ITGA11: variants seen among roughly 807,000 people sequenced by gnomAD.
ITGA11 encodes integrin subunit alpha 11, also known as integrin alpha-11.
Under a neutral mutation model 141.9 loss-of-function variants are expected in ITGA11, and 97 were observed. The ratio of observed to expected loss-of-function variants is 0.68; its 90% confidence interval spans 0.58 to 0.81. The LOEUF (loss-of-function observed/expected upper bound fraction) is 0.81. Among genes scored for constraint, ITGA11 ranks in the 30% least tolerant of loss-of-function variants. The pLI, the probability that ITGA11 is intolerant of heterozygous loss-of-function variation, is 0.00. For synonymous variants in ITGA11, 658 were observed against 624.6 expected, an observed-to-expected ratio of 1.05 and a Z score of -0.80; for missense variants, 1,387 against 1,559.2, an observed-to-expected ratio of 0.89 and a Z score of 1.86.
chr15:68,427,012 C>CAAAAA (rs148867034), intron 1 of ITGA11, among the ~76,000 whole-genome samples: 1 of 47,782 alleles, frequency 2.1e-5, no homozygotes, highest in Non-Finnish European at 3.5e-5. Flanking sequence ...AAGACTGTCT[C>CAAAAA]AAAAAAAAAA....
chr15:68,316,191 A>G (rs1893568919), intron 21 of ITGA11, among the ~76,000 whole-genome samples: 1 of 152,138 alleles, frequency 6.6e-6, no homozygotes, highest in African/African-American at 2.4e-5. Context: ...CAGGGAGGAG[A>G]TGGCCCAGAG....
intron 20 of ITGA11, 78 bp from the exon 21 acceptor site, chr15:68,317,441 C>A: frequency 1.0e-6 from 1 of 980,512 alleles, no homozygotes; most frequent in Non-Finnish European, 1.7e-6. Flanking sequence ...TCACCCCCAG[C>A]CTGCACCCCA....
chr15:68,337,800 C>T (rs540668469), intron 11 of ITGA11, among the ~76,000 whole-genome samples: 1 of 152,320 alleles, frequency 6.6e-6, no homozygotes, highest in African/African-American at 2.4e-5. Flanking sequence ...CCCAACCTTC[C>T]CTCTCCTCCA....
Position 68,406,587 on chromosome 15 carries a change from G to A in ITGA11, c.53-3558C>T, listed in dbSNP as rs1002731843. On this transcript the variant is annotated intron_variant, in intron 1 of 29. Coordinates refer to ENST00000315757, the MANE Select transcript of ITGA11 (RefSeq NM_001004439.2). ...CCTGTGCTCCATTTTTCCTCATAGC[G>A]TTTATCACAAACATATGACATTTGT... Among the ~76,000 whole-genome samples, 5 of 152,228 alleles carry A rather than the reference G, an allele frequency of 3.3e-5. No individual in the cohort carries two copies. The East Asian group carries it at 5.8e-4, about 18-fold the overall frequency.
chr15:68,316,800 A>G (rs950736102), intron 21 of ITGA11, among the ~76,000 whole-genome samples: 3 of 152,152 alleles, frequency 2.0e-5, no homozygotes, highest in African/African-American at 7.2e-5. Flanking sequence ...ACTCCCTGCA[A>G]TCTGGCGTCT....
chr15:68,383,272 A>G (rs1021844539), intron 2 of ITGA11, among the ~76,000 whole-genome samples: 7 of 149,060 alleles, frequency 4.7e-5, no homozygotes, highest in Non-Finnish European at 8.8e-5. Flanking sequence ...CTCTGCCTCA[A>G]AAAAAAGAAA....
At chr15:68,379,950 G>A (rs1218760941) in intron 2 of ITGA11, among the ~76,000 whole-genome samples, 1 of 152,204 alleles carries the variant, frequency 6.6e-6, no homozygotes, top group Non-Finnish European at 1.5e-5. Flanking sequence ...TCTGATCTGG[G>A]CTGGTGTGCT....
intron 2 of ITGA11, among the ~76,000 whole-genome samples, chr15:68,375,796 C>A (rs963669710): frequency 6.6e-6 from 1 of 152,140 alleles, no homozygotes; most frequent in African/African-American, 2.4e-5. Flanking sequence ...CCACGGGGTG[C>A]CTAGATATAT....
chr15:68,301,998 C>G lies in ITGA11; in HGVS notation c.*1061G>C, dbSNP rs931311041. ...GTGCATTCCAGAGGGGACCCCTCAA[C>G]AGCGCTGGCCAAGCCCTTCCCTGTG... On this transcript the variant is annotated 3_prime_UTR_variant, in exon 30 of 30. Coordinates refer to ENST00000315757, the MANE Select transcript of ITGA11 (RefSeq NM_001004439.2). This position sits in a 1 kb window ranked among gnomAD's most constrained non-coding sequence, Gnocchi z 4.4. The G allele has an allele frequency of 6.6e-6, 1 of 152,196 alleles. No individual in the cohort carries two copies. The highest frequency in any genetic ancestry group is 1.5e-5 in the Non-Finnish European group (1 of 68,516). 9.4% of individuals were successfully genotyped at this position (152,196 alleles called of 1,614,324 possible).
chr15:68,343,797 A>C (rs1455526499), intron 10 of ITGA11, among the ~76,000 whole-genome samples: 1 of 152,276 alleles, frequency 6.6e-6, no homozygotes, highest in East Asian at 1.9e-4. Flanking sequence ...AATGGCTTGG[A>C]GTCTTAGAAG....
In ITGA11 at chr15:68,296,913, G is replaced by C. The variant is rs1404216940; in HGVS notation, c.*6146C>G. ...CTCCTTCTCTTCTTTGGTTTAAAAT[G>C]TTGATTTTCCTATAATTTGTTTGGT... On this transcript the variant is annotated 3_prime_UTR_variant, in exon 30 of 30. Transcript: ENST00000315757. The C allele has an allele frequency of 1.3e-5, 2 of 149,576 alleles. No individual in the cohort carries two copies. The highest frequency in any genetic ancestry group is 3.9e-4 in the East Asian group (2 of 5,120). 9.3% of individuals were successfully genotyped at this position (149,576 alleles called of 1,614,324 possible).
chr15:68,401,547 C>T (rs777626235), intron 2 of ITGA11, among the ~76,000 whole-genome samples: 6 of 152,192 alleles, frequency 3.9e-5, no homozygotes, highest in Admixed American at 1.3e-4. Context: ...AAGTATGGTT[C>T]ACTTAACAAC....
At chr15:68,390,735 G>A (rs1337682621) in intron 2 of ITGA11, among the ~76,000 whole-genome samples, 3 of 152,188 alleles carry the variant, frequency 2.0e-5, no homozygotes, top group South Asian at 2.1e-4. Context: ...AAATATAATC[G>A]TGTTTTGGGT....
At chr15:68,338,388 G>A (rs1167644958) in intron 11 of ITGA11, among the ~76,000 whole-genome samples, 1 of 152,256 alleles carries the variant, frequency 6.6e-6, no homozygotes, top group Non-Finnish European at 1.5e-5. Flanking sequence ...GGCAGGCGCT[G>A]TGTCCTGCTT....
At position 68,391,220 on chromosome 15, in the gene ITGA11, C is replaced by T. The variant is rs75688714; in HGVS notation, c.164+11698G>A. Among the ~76,000 whole-genome samples, 568 of 152,262 alleles carry T rather than the reference C, an allele frequency of 3.7e-3. 24 individuals carry two copies. The East Asian group carries it at 0.093, about 25-fold the overall frequency. ...GCTCAGCTCTCGGGGTCCCCAAGGC[C>T]ACCCTCTCTGTTTCTCTCAGCTCGG... On this transcript the variant is annotated intron_variant, in intron 2 of 29. Coordinates refer to ENST00000315757, the MANE Select transcript of ITGA11 (RefSeq NM_001004439.2).
chr15:68,402,842 A>AT, intron 2 of ITGA11, 76 bp downstream of exon 2: 1 of 995,608 alleles, frequency 1.0e-6, no homozygotes, highest in Non-Finnish European at 1.5e-6. Flanking sequence ...GGGCAGCCAC[A>AT]GGGCACAGGG....
chr15:68,400,597 T>TATATTATAATATATAATATATATTATATA, intron 2 of ITGA11, among the ~76,000 whole-genome samples: 1 of 102,438 alleles, frequency 9.8e-6, no homozygotes, highest in African/African-American at 3.9e-5. Context: ...TTATATATTA[T>TATATTATAATATATAATATATATTATATA]ATATTATAAT....
rs142346705 is a variant in ITGA11 at position 68,303,375 on chromosome 15, C to T, written c.3496-245G>A. 3.2e-4 allele frequency among the ~76,000 whole-genome samples: 49 copies of T among 152,332 alleles called. No individual in the cohort carries two copies. The highest frequency in any genetic ancestry group is 5.9e-4 in the Non-Finnish European group (40 of 68,030). On this transcript the variant is annotated intron_variant, in intron 29 of 29. Transcript: ENST00000315757. This position sits in a 1 kb window ranked among gnomAD's most constrained non-coding sequence, Gnocchi z 5.3. ...TTGCTGTGTGACCAGCCCCAGCCAA[C>T]ATCCCTCTCTGGGCCTCCTTCATCT...
Position 68,424,464 on chromosome 15 carries a change from A to T in ITGA11, c.52+7551T>A, listed in dbSNP as rs574702210. Among the ~76,000 whole-genome samples the T allele has an allele frequency of 2.6e-5, 4 of 152,222 alleles. No homozygotes were observed. The South Asian group carries it at 8.3e-4, about 32-fold the overall frequency. On this transcript the variant is annotated intron_variant, in intron 1 of 29. Coordinates refer to ENST00000315757, the MANE Select transcript of ITGA11 (RefSeq NM_001004439.2). ...TGGATGCCCGTTAGAATTATTGGACAGCTTCAAAAAATGTCCCTGCTGGGC... is the reference window on the plus strand; with the variant it reads ...TGGATGCCCGTTAGAATTATTGGACTGCTTCAAAAAATGTCCCTGCTGGGC...
Sources: gnomAD v4.1 joint callset for allele counts (sites outside exome capture counted in the v4.1 genomes callset) on GRCh38, gnomAD v4.1.1 for gene constraint, Gnocchi (gnomAD v3.1) non-coding constraint, MANE v1.5 for transcripts, NCBI Gene and HGNC (gene_info 2026-07-23, HGNC 2026-07-21) for gene names.